Variants in WWTR1 observed in about 807,000 individuals in gnomAD.
WWTR1 encodes WW domain containing transcription regulator 1, also known as WW domain-containing transcription regulator protein 1.
In WWTR1, 13 loss-of-function variants were observed where a neutral mutation model predicts 40.1. The observed-to-expected ratio is 0.32, with a 90% CI of 0.21 to 0.52. The LOEUF (loss-of-function observed/expected upper bound fraction) is 0.52, where lower values mean the gene tolerates loss of function less well. Among genes scored for constraint, WWTR1 ranks in the 20% least tolerant of loss-of-function variants. The pLI, the probability that WWTR1 is intolerant of heterozygous loss-of-function variation, is 0.97. For missense variants in WWTR1, 436 were observed against 523.1 expected, an observed-to-expected ratio of 0.83 and a Z score of 1.63; for synonymous variants, 230 against 210.1, an observed-to-expected ratio of 1.09 and a Z score of -0.82.
chr3:149,539,025 T>C (rs1296442614), intron 4 of WWTR1, among the ~76,000 whole-genome samples: 2 of 152,214 alleles, frequency 1.3e-5, no homozygotes, highest in African/African-American at 2.4e-5. Context: ...ACTTTAGATT[T>C]GTAATCAAAG....
chr3:149,539,080 C>CAAAACAGAGAAG (rs1735963361), intron 4 of WWTR1, among the ~76,000 whole-genome samples: 5 of 152,104 alleles, frequency 3.3e-5, no homozygotes, highest in Admixed American at 2.6e-4. Flanking sequence ...GATTTCAATG[C>CAAAACAGAGAAG]CAATGAGTTA....
chr3:149,622,494 GAAGGAAGGAAGAAAGAAAGAAAGAAAGA>G (rs1740337112), intron 2 of WWTR1, among the ~76,000 whole-genome samples: 2 of 44,884 alleles, frequency 4.5e-5, no homozygotes, highest in East Asian at 4.6e-4. Flanking sequence ...AGGAAGGAAG[GAAGGAAGGAAGAAAGAAAGAAAGAAAGA>G]AAGAAAGAAA....
At chr3:149,559,324 G>GA (rs1187584821) in intron 3 of WWTR1, among the ~76,000 whole-genome samples, 2 of 140,132 alleles carry the variant, frequency 1.4e-5, no homozygotes, top group African/African-American at 5.3e-5. Flanking sequence ...GAAAAGAAAA[G>GA]AAAAAAGAAA....
intron 2 of WWTR1, among the ~76,000 whole-genome samples, chr3:149,631,117 C>T (rs891682118): frequency 7.9e-5 from 12 of 152,176 alleles, no homozygotes; most frequent in Non-Finnish European, 1.8e-4. Context: ...CCCCACTCAC[C>T]TGGGGTCAGA....
chr3:149,605,521 G>T (rs547850494), intron 2 of WWTR1, among the ~76,000 whole-genome samples: 2 of 152,146 alleles, frequency 1.3e-5, no homozygotes, highest in African/African-American at 4.8e-5. Flanking sequence ...CCATAACAAC[G>T]GAGAAGGAGC....
intron 2 of WWTR1, among the ~76,000 whole-genome samples, chr3:149,618,343 G>C (rs574137556): frequency 2.0e-5 from 3 of 152,290 alleles, no homozygotes; most frequent in Admixed American, 1.3e-4. Context: ...ACACTGAGGC[G>C]CTGGTACCAA....
At chr3:149,669,516 A>T (rs11710532) in intron 2 of WWTR1, among the ~76,000 whole-genome samples, 1 of 152,008 alleles carries the variant, frequency 6.6e-6, no homozygotes, top group Non-Finnish European at 1.5e-5. Flanking sequence ...CCCCAGTACT[A>T]GAGTCCAGTG....
intron 3 of WWTR1, among the ~76,000 whole-genome samples, chr3:149,547,824 T>C (rs1482580710): frequency 6.7e-6 from 1 of 149,382 alleles, no homozygotes; most frequent in African/African-American, 2.4e-5. Context: ...TTTTCCCTTT[T>C]TCTTTTTTTT....
At chr3:149,698,079 C>G (rs915636105) in intron 1 of WWTR1, among the ~76,000 whole-genome samples, 51 of 152,150 alleles carry the variant, frequency 3.4e-4, no homozygotes, top group African/African-American at 1.2e-3. Flanking sequence ...GAGTTGAGTA[C>G]TTGCATGTTT....
intron 1 of WWTR1, among the ~76,000 whole-genome samples, chr3:149,687,317 C>T (rs1045044707): frequency 6.6e-6 from 1 of 152,212 alleles, no homozygotes; most frequent in Non-Finnish European, 1.5e-5. Context: ...GAATCCTGCC[C>T]TGACTCTGAT....
intron 3 of WWTR1, among the ~76,000 whole-genome samples, chr3:149,545,797 A>G (rs1031474571): frequency 1.3e-5 from 2 of 152,244 alleles, no homozygotes; most frequent in African/African-American, 2.4e-5. Context: ...CTGGGATTAC[A>G]GGCATGAGCC....
In WWTR1 at chr3:149,656,138, A is replaced by C. The variant is rs1470666879; in HGVS notation, c.431+738T>G. Among the ~76,000 whole-genome samples the C allele has an allele frequency of 2.6e-5, 4 of 152,364 alleles. No individual in the cohort carries two copies. The South Asian group carries it at 8.3e-4, about 32-fold the overall frequency. On this transcript the variant is annotated intron_variant, in intron 2 of 6. Transcript: ENST00000360632. Reference sequence around the variant, plus strand: ...ATATTTTCCTGTGGGGTGTAATTTGAAAATTTCAACTAATGTAAAATTCAT... The same window carrying C: ...ATATTTTCCTGTGGGGTGTAATTTGCAAATTTCAACTAATGTAAAATTCAT...
intron 2 of WWTR1, among the ~76,000 whole-genome samples, chr3:149,653,209 T>C (rs541096240): frequency 2.5e-4 from 38 of 152,336 alleles, no homozygotes; most frequent in South Asian, 1.2e-3. Flanking sequence ...ATAACTTTCT[T>C]CTTTATAATT....
intron 2 of WWTR1, among the ~76,000 whole-genome samples, chr3:149,610,259 T>G (rs2108066116): frequency 6.6e-6 from 1 of 152,334 alleles, no homozygotes; most frequent in East Asian, 1.9e-4. Flanking sequence ...TCATACCTGC[T>G]CAGTGTTGCA....
chr3:149,561,827 G>A (rs1737092995), intron 3 of WWTR1, among the ~76,000 whole-genome samples: 1 of 152,220 alleles, frequency 6.6e-6, no homozygotes, highest in African/African-American at 2.4e-5. Flanking sequence ...AGCATGTCTA[G>A]AATAATGCTC....
chr3:149,657,288 G>T lies in WWTR1; in HGVS notation c.19C>A (p.Pro7Thr). ...TGCCCAGGCGGCGGGAGCGGAGGGG[G>T]CGCCGAGGCCGGATTCATCTTCTGC... MNPASA[P>T]PPLPPPGQQV... The change falls in exon 2 of 7, where the codon CCC becomes ACC. Residue 7 changes from proline (P) to threonine (T), a missense_variant. Pro to Thr is a conservative substitution (Grantham distance 38). Coordinates refer to ENST00000360632, the MANE Select transcript of WWTR1 (RefSeq NM_015472.6). 2 of 1,612,102 alleles carry T rather than the reference G, an allele frequency of 1.2e-6. No homozygotes were observed. Among genetic ancestry groups the T allele is most frequent in the Non-Finnish European group, 1.7e-6 (2 of 1,179,124 alleles).
At chr3:149,544,756 C>T (rs1240279671) in intron 3 of WWTR1, among the ~76,000 whole-genome samples, 1 of 152,182 alleles carries the variant, frequency 6.6e-6, no homozygotes, top group South Asian at 2.1e-4. Context: ...TAAAGACAAT[C>T]TGCCTTCAAT....
chr3:149,550,117 C>T (rs1266531359), intron 3 of WWTR1, among the ~76,000 whole-genome samples: 1 of 152,062 alleles, frequency 6.6e-6, no homozygotes, highest in Non-Finnish European at 1.5e-5. Context: ...TTTTAACGTG[C>T]CCAGTGAATA....
At chr3:149,632,265 G>A (rs1264488418) in intron 2 of WWTR1, among the ~76,000 whole-genome samples, 1 of 152,036 alleles carries the variant, frequency 6.6e-6, no homozygotes, top group African/African-American at 2.4e-5. Context: ...TAGCCTTGAG[G>A]TCCCTCTGCA....
Sources: gnomAD v4.1 joint callset for allele counts (sites outside exome capture counted in the v4.1 genomes callset) on GRCh38, gnomAD v4.1.1 for gene constraint, MANE v1.5 for transcripts, NCBI Gene and HGNC (gene_info 2026-07-23, HGNC 2026-07-21) for gene names.